EPHA6: variants seen among roughly 807,000 people sequenced by gnomAD.
EPHA6 encodes the protein ephrin type-A receptor 6.
EPHA6 carries 50 observed loss-of-function variants against 112.0 expected under a neutral mutation model. The observed-to-expected ratio is 0.45, with a 90% CI of 0.36 to 0.56. The LOEUF (loss-of-function observed/expected upper bound fraction) is 0.56, where lower values mean the gene tolerates loss of function less well. EPHA6 is among the 20% of genes least tolerant of loss of function. The probability of loss-of-function intolerance (pLI) is 0.00; values close to 1 mark genes in which losing one functional copy is unlikely to be tolerated. For missense variants in EPHA6, 1,280 were observed against 1,417.4 expected, an observed-to-expected ratio of 0.90 and a Z score of 1.56; for synonymous variants, 529 against 490.7, an observed-to-expected ratio of 1.08 and a Z score of -1.03.
intron 11 of EPHA6, among the ~76,000 whole-genome samples, chr3:97,545,884 C>T (rs1362042821): frequency 6.6e-6 from 1 of 152,140 alleles, no homozygotes; most frequent in East Asian, 1.9e-4. Context: ...ACTAGGATTG[C>T]AACCCCTGCC....
At chr3:96,883,957 T>TA (rs2037476396) in intron 2 of EPHA6, among the ~76,000 whole-genome samples, 1 of 152,072 alleles carries the variant, frequency 6.6e-6, no homozygotes, top group Non-Finnish European at 1.5e-5. Context: ...ACAGGCCCAG[T>TA]ACCATTTGTG....
chr3:97,356,882 G>C (rs1159823951), intron 5 of EPHA6, among the ~76,000 whole-genome samples: 1 of 152,072 alleles, frequency 6.6e-6, no homozygotes, highest in African/African-American at 2.4e-5. Context: ...AATGGGTATT[G>C]ATGTCTCCAA....
intron 3 of EPHA6, among the ~76,000 whole-genome samples, chr3:97,001,767 A>G (rs142649336): frequency 6.6e-4 from 100 of 152,140 alleles, no homozygotes; most frequent in Admixed American, 4.3e-3. Flanking sequence ...TACAAGGACT[A>G]TCAGCATGAA....
At chr3:97,144,227 C>T (rs1355636927) in intron 3 of EPHA6, among the ~76,000 whole-genome samples, 1 of 151,578 alleles carries the variant, frequency 6.6e-6, no homozygotes, top group Non-Finnish European at 1.5e-5. Context: ...CTAATTATTG[C>T]TTTAATTTAA....
intron 2 of EPHA6, among the ~76,000 whole-genome samples, chr3:96,979,381 C>T (rs532738199): frequency 1.6e-4 from 24 of 152,226 alleles, no homozygotes; most frequent in African/African-American, 5.8e-4. Context: ...GACATGAACT[C>T]ATCCTTTTTT....
chr3:96,928,951 C>G (rs1381979228), intron 2 of EPHA6, among the ~76,000 whole-genome samples: 1 of 151,848 alleles, frequency 6.6e-6, no homozygotes, highest in Non-Finnish European at 1.5e-5. Flanking sequence ...CTGCTTTTTT[C>G]TGTTTTCCAT....
chr3:97,144,643 T>C (rs894118621), intron 3 of EPHA6, among the ~76,000 whole-genome samples: 1 of 151,550 alleles, frequency 6.6e-6, no homozygotes, highest in Admixed American at 6.6e-5. Context: ...GAAATAAAAA[T>C]GTTTTTTCTT....
In EPHA6 at chr3:97,189,794, G is replaced by A. The variant is rs1418449698; in HGVS notation, c.1115-36470G>A. Among the ~76,000 whole-genome samples the A allele has an allele frequency of 3.3e-5, 5 of 152,048 alleles. No homozygotes were observed. In the East Asian group the frequency reaches 7.7e-4, roughly 23 times the overall value. On this transcript the variant is annotated intron_variant, in intron 3 of 17. Coordinates refer to ENST00000389672, the MANE Select transcript of EPHA6 (RefSeq NM_001080448.3). ...GTGACTATGACTTAGTTCAGAAACT[G>A]TATCTTCTACCAAATAAACCATTTC...
Position 97,448,575 on chromosome 3 carries a change from A to G in EPHA6, c.1739A>G (p.Glu580Gly), listed in dbSNP as rs1341897087. 6.2e-7 allele frequency: 1 copy of G among 1,613,326 alleles called. No homozygotes were observed. The change falls in exon 7 of 18, where the codon GAG (glutamate) becomes GGG (glycine). Residue 580 changes from glutamate (E) to glycine (G), a missense_variant. Glu to Gly is a moderately conservative substitution (Grantham distance 98). Transcript: ENST00000389672. ...YEIKYYEKEHEQLTYSSTRSK... is the reference protein window; with the variant it reads ...YEIKYYEKEHGQLTYSSTRSK... ...TTTTTTTCTGTCCCCCAGGAACATG[A>G]GCAGCTGACCTACTCTTCCACAAGG...
Position 97,440,498 on chromosome 3 carries a change from AT to A in EPHA6, c.1732-8067del, listed in dbSNP as rs201531150. ...TATCAGGACAAAAAAATTTCAACAAATTTCCTGTAGCAGAAATAATTATTTG... is the reference window on the plus strand; with the variant it reads ...TATCAGGACAAAAAAATTTCAACAAATTCCTGTAGCAGAAATAATTATTTG... On this transcript the variant is annotated intron_variant, in intron 6 of 17. Transcript: ENST00000389672. Among the ~76,000 whole-genome samples, 1,179 of 151,804 alleles carry A rather than the reference AT, an allele frequency of 7.8e-3. 21 individuals are homozygous for A. Among genetic ancestry groups the A allele is most frequent in the African/African-American group, 0.027 (1,131 of 41,524 alleles).
At chr3:97,431,759 A>T (rs549719712) in intron 6 of EPHA6, among the ~76,000 whole-genome samples, 1 of 152,214 alleles carries the variant, frequency 6.6e-6, no homozygotes, top group Admixed American at 6.6e-5. Flanking sequence ...ACCACCAGAT[A>T]GTTCTTTTCA....
chr3:97,668,782 A>T, intron 14 of EPHA6, among the ~76,000 whole-genome samples: 1 of 151,300 alleles, frequency 6.6e-6, no homozygotes. Flanking sequence ...GGCATGGTGG[A>T]GAGTGCCTGT....
At chr3:97,538,746 C>T (rs1008619089) in intron 11 of EPHA6, among the ~76,000 whole-genome samples, 2 of 152,048 alleles carry the variant, frequency 1.3e-5, no homozygotes, top group Non-Finnish European at 2.9e-5. Flanking sequence ...GAGAAGCGTC[C>T]ATTGGATAGG....
chr3:97,239,911 AT>A (rs2078792714), intron 4 of EPHA6, among the ~76,000 whole-genome samples: 1 of 151,890 alleles, frequency 6.6e-6, no homozygotes, highest in African/African-American at 2.4e-5. Context: ...GCTGAATATG[AT>A]GTAATAGGGT....
chr3:96,953,053 A>G (rs2041615766), intron 2 of EPHA6, among the ~76,000 whole-genome samples: 1 of 152,208 alleles, frequency 6.6e-6, no homozygotes, highest in African/African-American at 2.4e-5. Flanking sequence ...ACACAAAGAA[A>G]TAACCAAAAA....
At chr3:97,302,905 C>G (rs1320844507) in intron 5 of EPHA6, among the ~76,000 whole-genome samples, 1 of 151,320 alleles carries the variant, frequency 6.6e-6, no homozygotes, top group East Asian at 1.9e-4. Context: ...GCTATATGAC[C>G]AAATTTATAT....
chr3:97,396,835 C>A (rs1019173326), intron 5 of EPHA6, among the ~76,000 whole-genome samples: 2 of 151,544 alleles, frequency 1.3e-5, no homozygotes, highest in African/African-American at 4.8e-5. Flanking sequence ...AAATAGTTAA[C>A]CAGACTAATT....
chr3:97,598,285 T>C (rs1004773395), intron 12 of EPHA6, among the ~76,000 whole-genome samples: 5 of 151,980 alleles, frequency 3.3e-5, no homozygotes, highest in African/African-American at 9.7e-5. Context: ...ATTATTATAC[T>C]TTAAGTTTTA....
chr3:97,130,124 T>G (rs763442720), intron 3 of EPHA6, among the ~76,000 whole-genome samples: 1 of 152,110 alleles, frequency 6.6e-6, no homozygotes, highest in Non-Finnish European at 1.5e-5. Context: ...AAATTATTTC[T>G]CTTTTTCTCG....
Sources: gnomAD v4.1 joint callset for allele counts (sites outside exome capture counted in the v4.1 genomes callset) on GRCh38, gnomAD v4.1.1 for gene constraint, MANE v1.5 for transcripts, NCBI Gene and HGNC (gene_info 2026-07-23, HGNC 2026-07-21) for gene names.